Variants in PDK3 observed in about 807,000 individuals in gnomAD.
PDK3 encodes the protein pyruvate dehydrogenase kinase, isozyme 3.
PDK3 carries 12 observed loss-of-function variants against 32.0 expected under a neutral mutation model. The observed-to-expected ratio is 0.37, with a 90% confidence interval of 0.24 to 0.61. The LOEUF is 0.61. PDK3 is among the 20% of genes least tolerant of loss of function. The pLI, the probability that PDK3 is intolerant of heterozygous loss-of-function variation, is 0.65. For synonymous variants in PDK3, 122 were observed against 116.3 expected (o/e 1.05, Z -0.31); for missense variants, 188 against 316.9 (o/e 0.59, Z 3.09).
chrX:24,537,518 G>T (rs912350793), downstream of PDK3, among the ~76,000 whole-genome samples: 3 of 109,414 alleles, frequency 2.7e-5, no homozygotes, highest in African/African-American at 1.0e-4. Flanking sequence ...TTCCTTGACA[G>T]ACAGAGCTAT....
Position 24,531,694 on chromosome X carries a change from A to C in PDK3, c.1001A>C (p.Tyr334Ser). The C allele has an allele frequency of 4.2e-6, 5 of 1,202,096 alleles. No homozygotes were observed. Among genetic ancestry groups the C allele is most frequent in the Non-Finnish European group, 5.6e-6 (5 of 887,207 alleles). The change falls in exon 10 of 11, where the codon TAT (tyrosine) becomes TCT (serine). Residue 334 changes from tyrosine to serine, a missense_variant. Coordinates refer to ENST00000379162, the MANE Select transcript of PDK3 (RefSeq NM_005391.5). ...FGYGLPISRL[Y>S]ARYFQGDLKL... ...TATGGTTTGCCAATTTCCCGTCTGTATGCTAGATATTTTCAAGGAGATCTG... is the reference window on the plus strand; with the variant it reads ...TATGGTTTGCCAATTTCCCGTCTGTCTGCTAGATATTTTCAAGGAGATCTG...
Position 24,498,878 on chromosome X carries a change from G to A in PDK3, c.298G>A (p.Glu100Lys), listed in dbSNP as rs781697878. 1 of 1,146,182 alleles carries A rather than the reference G, an allele frequency of 8.7e-7. No individual in the cohort carries two copies. The highest frequency in any genetic ancestry group is 3.0e-5 in the East Asian group (1 of 32,848). 94.5% of individuals were successfully genotyped at this position (1,146,182 alleles called of 1,213,427 possible). Residue 100 changes from glutamate to lysine, a missense_variant, in exon 3 of 11, where the codon GAG becomes AAG. Physicochemically the swap from Glu to Lys is moderately conservative, Grantham distance 56. Coordinates refer to ENST00000379162, the MANE Select transcript of PDK3 (RefSeq NM_005391.5). ...ELLEYENKSP[E>K]DPQVLDNFLQ... is the part of the protein sequence containing the mutation. ...TTTAGAATATGAAAATAAGAGCCCT[G>A]AGGATCCACAGGTCTTGGATAAGTA...
chrX:24,512,279 A>G (rs1309781211), intron 5 of PDK3, among the ~76,000 whole-genome samples: 2 of 112,171 alleles, frequency 1.8e-5, no homozygotes, highest in Non-Finnish European at 3.8e-5. Context: ...AAACTTAAAT[A>G]CTTGGTGTAA....
chrX:24,515,007 T>G (rs1043565169), intron 5 of PDK3, among the ~76,000 whole-genome samples: 1 of 112,270 alleles, frequency 8.9e-6, no homozygotes, highest in Non-Finnish European at 1.9e-5. Context: ...CCCGTCAGTG[T>G]AATTTACTGC....
chrX:24,532,536 T>C (rs1922675000), intron 10 of PDK3, among the ~76,000 whole-genome samples: 2 of 111,755 alleles, frequency 1.8e-5, no homozygotes, highest in Admixed American at 1.9e-4. Context: ...ATTGGGCTTT[T>C]ATTTCTAAAC....
chrX:24,486,968 C>A (rs1232107935), intron 1 of PDK3, among the ~76,000 whole-genome samples: 1 of 111,777 alleles, frequency 8.9e-6, no homozygotes, highest in Non-Finnish European at 1.9e-5. Flanking sequence ...GTGGAGGCAG[C>A]CCCAAGTTTG....
chrX:24,529,002 A>T, intron 9 of PDK3, among the ~76,000 whole-genome samples: 1 of 112,792 alleles, frequency 8.9e-6, no homozygotes. Context: ...TTGTATGAAT[A>T]AAATCAAACA....
At position 24,491,141 on chromosome X, in the gene PDK3, T is replaced by C. The variant is rs183767230; in HGVS notation, c.107-3601T>C. Among the ~76,000 whole-genome samples the C allele has an allele frequency of 5.9e-3, 643 of 109,487 alleles. 6 individuals carry two copies. The highest frequency in any genetic ancestry group is 0.02 in the African/African-American group (610 of 30,051). ...CAGCCTGGCCAACATGGTGAAACCC[T>C]ATCTCTTTGTAAAAATACAAAAATT... On this transcript the variant is annotated intron_variant, in intron 1 of 10. Coordinates refer to ENST00000379162, the MANE Select transcript of PDK3 (RefSeq NM_005391.5).
At chrX:24,467,236 A>G (rs1318279819) in intron 1 of PDK3, among the ~76,000 whole-genome samples, 1 of 112,388 alleles carries the variant, frequency 8.9e-6, no homozygotes, top group African/African-American at 3.2e-5. Flanking sequence ...GGCCTTGACT[A>G]AGTGACCAAA....
chrX:24,535,722 A>G (rs995056702), downstream of PDK3, among the ~76,000 whole-genome samples: 1 of 109,397 alleles, frequency 9.1e-6, no homozygotes, highest in Non-Finnish European at 1.9e-5. Context: ...CTTTTGTTTC[A>G]TTTAACCATC....
At chrX:24,518,841 A>G (rs1206247275) in intron 5 of PDK3, 92 bp from the exon 6 acceptor site, 766 of 27,038 alleles carry the variant, frequency 0.028, 7 homozygotes, top group Admixed American at 0.17. Flanking sequence ...ACATGTGCAC[A>G]CACACACACA....
chrX:24,543,537 C>T lies in PDK3; in HGVS notation c.*4373C>T, dbSNP rs143607486. On this transcript the variant is annotated 3_prime_UTR_variant, in exon 12 of 12. Coordinates refer to the PDK3 transcript ENST00000568479. ...TGATCTCTGCTCACTGCAACCTCCGCCTCCCGGGTTCAAGCAATTCTTCTG... is the reference window on the plus strand; with the variant it reads ...TGATCTCTGCTCACTGCAACCTCCGTCTCCCGGGTTCAAGCAATTCTTCTG... 6.7e-3 allele frequency among the ~76,000 whole-genome samples: 746 copies of T among 111,312 alleles called. 3 individuals are homozygous for T. The highest frequency in any genetic ancestry group is 0.028 in the Middle Eastern group (6 of 214).
intron 5 of PDK3, among the ~76,000 whole-genome samples, chrX:24,510,694 C>G (rs1922095752): frequency 8.9e-6 from 1 of 112,086 alleles, no homozygotes; most frequent in African/African-American, 3.2e-5. Context: ...ATCCTGCTGT[C>G]TGCGTCAGTA....
exon 12 of PDK3, among the ~76,000 whole-genome samples, chrX:24,541,515 A>T (rs151316633): frequency 7.5e-4 from 84 of 112,190 alleles, no homozygotes; most frequent in Middle Eastern, 4.7e-3. Flanking sequence ...TGTCTTCATG[A>T]CTTAATCGGT....
chrX:24,491,903 T>C (rs1250029465), intron 1 of PDK3, among the ~76,000 whole-genome samples: 2 of 111,712 alleles, frequency 1.8e-5, no homozygotes, highest in Non-Finnish European at 3.8e-5. Flanking sequence ...ACCACTGCAC[T>C]GCAGCCTGGG....
intron 1 of PDK3, among the ~76,000 whole-genome samples, chrX:24,466,845 T>C (rs931528565): frequency 5.3e-5 from 6 of 112,249 alleles, no homozygotes; most frequent in Non-Finnish European, 1.1e-4. Flanking sequence ...TTTCTGACTT[T>C]AGAGTTTAGA....
chrX:24,526,796 TC>T (rs748606029), intron 7 of PDK3, among the ~76,000 whole-genome samples: 2 of 110,362 alleles, frequency 1.8e-5, no homozygotes, highest in African/African-American at 3.3e-5. Context: ...GAACCACCCC[TC>T]CCCCCCACCA....
At chrX:24,519,611 C>T (rs1298615255) in intron 6 of PDK3, among the ~76,000 whole-genome samples, 1 of 110,675 alleles carries the variant, frequency 9.0e-6, no homozygotes, top group Non-Finnish European at 1.9e-5. Flanking sequence ...CTCAGGTGAT[C>T]CACCCGCCTC....
At chrX:24,511,481 T>TCCA (rs1922115987) in intron 5 of PDK3, among the ~76,000 whole-genome samples, 1 of 111,612 alleles carries the variant, frequency 9.0e-6, no homozygotes, top group Non-Finnish European at 1.9e-5. Flanking sequence ...TAGTCAGATG[T>TCCA]CCAGCCCAAA....
Sources: allele counts gnomAD v4.1 joint callset (sites outside exome capture counted in the v4.1 genomes callset), GRCh38; gene constraint gnomAD v4.1.1; transcripts MANE v1.5; gene names NCBI Gene and HGNC (gene_info 2026-07-23, HGNC 2026-07-21).